Variants in PLCB1 observed in about 807,000 individuals in gnomAD.
The protein encoded by PLCB1 is 1-phosphatidylinositol 4,5-bisphosphate phosphodiesterase beta-1.
In PLCB1, 46 loss-of-function variants were observed where a neutral mutation model predicts 161.8. The observed-to-expected ratio is 0.28, with a 90% CI of 0.22 to 0.36. The LOEUF (loss-of-function observed/expected upper bound fraction) is 0.36, where lower values mean the gene tolerates loss of function less well. Ranked by LOEUF, PLCB1 falls within the 10% of genes least tolerant of loss-of-function variation. The pLI is 1.00. For synonymous variants in PLCB1, 517 were observed against 503.7 expected (o/e 1.03, Z -0.35); for missense variants, 1,016 against 1,472.5 (o/e 0.69, Z 5.07).
At chr20:8,759,553 T>C (rs1600303881) in intron 24 of PLCB1, among the ~76,000 whole-genome samples, 1 of 152,192 alleles carries the variant, frequency 6.6e-6, no homozygotes, top group Non-Finnish European at 1.5e-5. Context: ...CAGGCTGGAG[T>C]GCAATGGTGT....
At chr20:8,830,410 G>T (rs1206840569) in intron 31 of PLCB1, among the ~76,000 whole-genome samples, 2 of 152,196 alleles carry the variant, frequency 1.3e-5, no homozygotes, top group Non-Finnish European at 2.9e-5. Flanking sequence ...GAATCTCTTT[G>T]CATGTGATGT....
At chr20:8,855,199 G>A (rs1383589843) in intron 31 of PLCB1, among the ~76,000 whole-genome samples, 1 of 148,020 alleles carries the variant, frequency 6.8e-6, no homozygotes, top group African/African-American at 2.5e-5. Flanking sequence ...AAGGGGTGCA[G>A]GGGAGAGCAG....
chr20:8,208,151 T>G (rs1163736199), intron 2 of PLCB1, among the ~76,000 whole-genome samples: 1 of 152,118 alleles, frequency 6.6e-6, no homozygotes, highest in Non-Finnish European at 1.5e-5. Flanking sequence ...ATAACTGTTT[T>G]GATTTTTTCT....
intron 3 of PLCB1, among the ~76,000 whole-genome samples, chr20:8,508,718 G>A (rs1038427151): frequency 1.3e-5 from 2 of 151,996 alleles, no homozygotes; most frequent in African/African-American, 2.4e-5. Flanking sequence ...GCACTTCCAC[G>A]TAGAATGCAA....
At chr20:8,679,270 A>G (rs1990159023) in intron 9 of PLCB1, among the ~76,000 whole-genome samples, 1 of 152,348 alleles carries the variant, frequency 6.6e-6, no homozygotes, top group Admixed American at 6.5e-5. Context: ...GTAGGTTTTT[A>G]GAAGCTAATA....
chr20:8,870,631 C>T (rs1349376611), intron 31 of PLCB1, among the ~76,000 whole-genome samples: 1 of 152,168 alleles, frequency 6.6e-6, no homozygotes, highest in African/African-American at 2.4e-5. Context: ...TCTCTAGTTT[C>T]TGTCTTTCCT....
At chr20:8,716,131 A>T (rs923077569) in intron 12 of PLCB1, 133 bp from the exon 13 acceptor site, 1 of 660,684 alleles carries the variant, frequency 1.5e-6, no homozygotes, top group Non-Finnish European at 2.7e-6. Flanking sequence ...AAGATCCAGG[A>T]TGATAAAAAC....
chr20:8,551,361 A>C (rs1240747675), intron 3 of PLCB1, among the ~76,000 whole-genome samples: 1 of 152,182 alleles, frequency 6.6e-6, no homozygotes, highest in Non-Finnish European at 1.5e-5. Flanking sequence ...GTTTTTATGT[A>C]CTTTGTGTTC....
chr20:8,204,703 C>G (rs1366485311), intron 2 of PLCB1, among the ~76,000 whole-genome samples: 1 of 152,022 alleles, frequency 6.6e-6, no homozygotes, highest in African/African-American at 2.4e-5. Flanking sequence ...CCTGCAGAAC[C>G]GTGAGCCAAT....
At chr20:8,720,279 C>T (rs940007584) in intron 14 of PLCB1, among the ~76,000 whole-genome samples, 1 of 152,172 alleles carries the variant, frequency 6.6e-6, no homozygotes, top group African/African-American at 2.4e-5. Flanking sequence ...ACGATTTTTA[C>T]AGGCAGTGAA....
intron 3 of PLCB1, among the ~76,000 whole-genome samples, chr20:8,492,070 A>C (rs938003276): frequency 6.6e-5 from 10 of 152,142 alleles, no homozygotes; most frequent in African/African-American, 2.4e-4. Context: ...TCTTGGTTCA[A>C]GGAGTAATGG....
At chr20:8,574,352 T>C (rs1287776932) in intron 3 of PLCB1, among the ~76,000 whole-genome samples, 3 of 152,120 alleles carry the variant, frequency 2.0e-5, no homozygotes, top group African/African-American at 4.8e-5. Flanking sequence ...TGAGCCAAGA[T>C]CATGCCACTG....
At chr20:8,628,176 T>C in intron 3 of PLCB1, 118 bp from the exon 4 acceptor site, 1 of 789,244 alleles carries the variant, frequency 1.3e-6, no homozygotes, top group Non-Finnish European at 2.1e-6. Flanking sequence ...TACAATTTTC[T>C]AGTAAGAATA....
intron 3 of PLCB1, among the ~76,000 whole-genome samples, chr20:8,601,110 C>T (rs1011503531): frequency 1.1e-4 from 17 of 152,180 alleles, no homozygotes; most frequent in South Asian, 2.1e-4. Context: ...CCTATTCGGC[C>T]ATCTTGGCTC....
At chr20:8,519,230 TACAG>T (rs2100130911) in intron 3 of PLCB1, among the ~76,000 whole-genome samples, 1 of 151,952 alleles carries the variant, frequency 6.6e-6, no homozygotes, top group African/African-American at 2.4e-5. Context: ...CTCGGTAGCT[TACAG>T]ACTGGAGAGT....
intron 11 of PLCB1, among the ~76,000 whole-genome samples, chr20:8,704,283 G>A (rs1173921944): frequency 1.3e-5 from 2 of 152,004 alleles, no homozygotes; most frequent in African/African-American, 4.8e-5. Context: ...AAACCAAGGA[G>A]GCAGAGGTTA....
intron 2 of PLCB1, among the ~76,000 whole-genome samples, chr20:8,322,205 G>T (rs962290726): frequency 6.6e-6 from 1 of 151,908 alleles, no homozygotes; most frequent in East Asian, 1.9e-4. Flanking sequence ...GCTTCCTGGG[G>T]TTCCTTTCCC....
chr20:8,574,178 G>A (rs6086507), intron 3 of PLCB1, among the ~76,000 whole-genome samples: 44,789 of 152,118 alleles, frequency 0.29, 7,569 homozygotes, highest in Non-Finnish European at 0.38. Context: ...TGAGGCAGGC[G>A]GATCACCTGA....
chr20:8,458,079 A>G (rs1473527499), intron 3 of PLCB1, among the ~76,000 whole-genome samples: 1 of 152,172 alleles, frequency 6.6e-6, no homozygotes, highest in Non-Finnish European at 1.5e-5. Context: ...AGGAAGCTGG[A>G]GTTGAGCTAA....
Sources: gnomAD v4.1 joint callset for allele counts (sites outside exome capture counted in the v4.1 genomes callset) on GRCh38, gnomAD v4.1.1 for gene constraint, MANE v1.5 for transcripts, NCBI Gene and HGNC (gene_info 2026-07-23, HGNC 2026-07-21) for gene names.